Variants in JMJD1C observed in about 807,000 individuals in gnomAD.
The protein encoded by JMJD1C is jumonji domain-containing protein 1C.
A neutral mutation model predicts 245.3 loss-of-function variants in JMJD1C; 31 were observed. The observed-to-expected ratio is 0.13, with a 90% confidence interval of 0.09 to 0.17. JMJD1C has a LOEUF of 0.17. Among genes scored for constraint, JMJD1C ranks in the 10% least tolerant of loss-of-function variants. JMJD1C has a pLI of 1.00. For synonymous variants in JMJD1C, 1,057 were observed against 1,017.4 expected (o/e 1.04, Z -0.74); for missense variants, 2,691 against 3,000.2 (o/e 0.90, Z 2.41).
intron 2 of JMJD1C, among the ~76,000 whole-genome samples, chr10:63,310,895 C>A (rs560121822): frequency 1.3e-5 from 2 of 151,768 alleles, no homozygotes; most frequent in East Asian, 3.9e-4. Context: ...ACAAATAAAC[C>A]CGACATTAAG....
chr10:63,356,936 A>G (rs1034998895), intron 2 of JMJD1C, among the ~76,000 whole-genome samples: 2 of 152,252 alleles, frequency 1.3e-5, no homozygotes, highest in African/African-American at 4.8e-5. Context: ...ATAAACAAGA[A>G]TAATAGTGTC....
chr10:63,291,221 T>C (rs1858645830), intron 2 of JMJD1C, among the ~76,000 whole-genome samples: 1 of 142,650 alleles, frequency 7.0e-6, no homozygotes, highest in African/African-American at 2.7e-5. Context: ...GGCAGGAGAA[T>C]CGCTTGAACC....
chr10:63,425,605 G>A (rs1048866112), intron 1 of JMJD1C, among the ~76,000 whole-genome samples: 1 of 151,878 alleles, frequency 6.6e-6, no homozygotes, highest in Non-Finnish European at 1.5e-5. Flanking sequence ...AACATGGCGA[G>A]ATCCCATCTC....
rs555032202 is a variant in JMJD1C at position 63,257,634 on chromosome 10, A to AC, written c.447+7016dup. On this transcript the variant is annotated intron_variant, in intron 3 of 25. Coordinates refer to ENST00000399262, the MANE Select transcript of JMJD1C (RefSeq NM_032776.3). ...ATAATTTTGTACCTTATTGAATATC[A>AC]CTTCTACTTTCTGAGAGAAAAATAA... Among the ~76,000 whole-genome samples the AC allele has an allele frequency of 1.6e-4, 25 of 152,328 alleles. No individual in the cohort carries two copies. The East Asian group carries it at 4.8e-3, about 29-fold the overall frequency.
At position 63,349,260 on chromosome 10, in the gene JMJD1C, A is replaced by C. The variant is rs1053349099; in HGVS notation, c.333+31058T>G. 2.4e-4 allele frequency among the ~76,000 whole-genome samples: 37 copies of C among 152,250 alleles called. 1 individual carries two copies. The highest frequency in any genetic ancestry group is 8.7e-4 in the African/African-American group (36 of 41,542). On this transcript the variant is annotated intron_variant, in intron 2 of 25. Coordinates refer to ENST00000399262, the MANE Select transcript of JMJD1C (RefSeq NM_032776.3). ...GTCTGCACAACCATGAGCCAAAAAA[A>C]CTTCTTTTCTTTATAAATTACCCAG...
rs1184136997 is a variant in JMJD1C, at chr10:63,465,940, G to C, written c.-278C>G. The C allele has an allele frequency of 5.4e-6, 3 of 557,588 alleles. No homozygotes were observed. In the African/African-American group the frequency reaches 5.6e-5, roughly 10 times the overall value. 34.5% of individuals were successfully genotyped at this position (557,588 alleles called of 1,614,324 possible). A position where few individuals can be genotyped will look rare whatever the true frequency, so the allele number is the denominator to read the frequency against. Reference sequence around the variant, plus strand: ...CCAACGCGGCCGTCGAAGACCCCGAGGCAGCCCAGCCGCCGCCACCGCGCC... The same window carrying C: ...CCAACGCGGCCGTCGAAGACCCCGACGCAGCCCAGCCGCCGCCACCGCGCC... On this transcript the variant is annotated 5_prime_UTR_variant, in exon 1 of 26. Transcript: ENST00000399262.
At chr10:63,507,332 T>G (rs905716139) in intron 1 of JMJD1C, among the ~76,000 whole-genome samples, 7 of 152,134 alleles carry the variant, frequency 4.6e-5, no homozygotes, top group African/African-American at 1.7e-4. Context: ...TGTTAGAAAC[T>G]GCCAAACCGT....
At chr10:63,301,144 T>C (rs1362468158) in intron 2 of JMJD1C, among the ~76,000 whole-genome samples, 1 of 152,186 alleles carries the variant, frequency 6.6e-6, no homozygotes, top group East Asian at 1.9e-4. Context: ...GCTTCCCCAG[T>C]AGCTGGGACT....
chr10:63,395,403 A>T (rs1459647317), intron 1 of JMJD1C, among the ~76,000 whole-genome samples: 1 of 152,188 alleles, frequency 6.6e-6, no homozygotes, highest in Non-Finnish European at 1.5e-5. Flanking sequence ...GCGTGAACCC[A>T]GGAGGCGGAG....
At chr10:63,258,723 G>C (rs1015302780) in intron 3 of JMJD1C, among the ~76,000 whole-genome samples, 3 of 151,954 alleles carry the variant, frequency 2.0e-5, no homozygotes, top group Non-Finnish European at 2.9e-5. Flanking sequence ...TTTACTTCAG[G>C]CTCCTTAAAT....
intron 1 of JMJD1C, among the ~76,000 whole-genome samples, chr10:63,405,000 T>C (rs1949084536): frequency 6.6e-6 from 1 of 152,216 alleles, no homozygotes; most frequent in South Asian, 2.1e-4. Context: ...ATACAATTAG[T>C]TCTTGCTCCC....
chr10:63,204,040 A>T (rs1287759732), intron 10 of JMJD1C: 18 of 937,596 alleles, frequency 1.9e-5, no homozygotes, highest in Non-Finnish European at 2.2e-5. Flanking sequence ...GCCTGAGCCC[A>T]GGAGTTGGAG....
At chr10:63,354,843 C>T (rs1368501527) in intron 2 of JMJD1C, among the ~76,000 whole-genome samples, 5 of 137,018 alleles carry the variant, frequency 3.6e-5, no homozygotes, top group Non-Finnish European at 7.6e-5. Context: ...GGTGAGATCC[C>T]ATATCTACTT....
chr10:63,272,607 G>A (rs192597121), intron 2 of JMJD1C, among the ~76,000 whole-genome samples: 3 of 152,146 alleles, frequency 2.0e-5, no homozygotes, highest in East Asian at 1.9e-4. Flanking sequence ...ATATTAAATC[G>A]CATATAACCA....
At chr10:63,317,632 C>T (rs530962532) in intron 2 of JMJD1C, among the ~76,000 whole-genome samples, 10 of 152,210 alleles carry the variant, frequency 6.6e-5, no homozygotes, top group African/African-American at 1.9e-4. Context: ...GAAAACATTT[C>T]GTACATTATT....
chr10:63,185,417 C>G, intron 20 of JMJD1C, 146 bp downstream of exon 20: 4 of 651,698 alleles, frequency 6.1e-6, no homozygotes, highest in South Asian at 5.3e-5. Flanking sequence ...TAGGCGTGAG[C>G]CACTATGACG....
rs144994923 is a variant in JMJD1C, at chr10:63,399,950, G to C, written c.169-19468C>G. Among the ~76,000 whole-genome samples, 491 of 151,722 alleles carry C rather than the reference G, an allele frequency of 3.2e-3. 2 individuals carry two copies. Among genetic ancestry groups the C allele is most frequent in the African/African-American group, 0.012 (476 of 41,380 alleles). ...TTCCATTTTTTAAAAAAAAATAAAA[G>C]TAGAAACATAGATATACACATGAAC... On this transcript the variant is annotated intron_variant, in intron 1 of 25. Transcript: ENST00000399262.
chr10:63,310,823 A>G (rs1939083202), intron 2 of JMJD1C, among the ~76,000 whole-genome samples: 1 of 152,164 alleles, frequency 6.6e-6, no homozygotes, highest in Admixed American at 6.6e-5. Context: ...GAGAAAAGAA[A>G]AGGCCTAAAT....
At chr10:63,249,655 T>C (rs1227689876) in intron 3 of JMJD1C, among the ~76,000 whole-genome samples, 1 of 152,082 alleles carries the variant, frequency 6.6e-6, no homozygotes, top group Non-Finnish European at 1.5e-5. Flanking sequence ...GGTCAGGAGT[T>C]CCAGACCAGC....
Sources: gnomAD v4.1 joint callset for allele counts (sites outside exome capture counted in the v4.1 genomes callset) on GRCh38, gnomAD v4.1.1 for gene constraint, MANE v1.5 for transcripts, NCBI Gene and HGNC (gene_info 2026-07-23, HGNC 2026-07-21) for gene names.